The following ROR2 variants were observed in gnomAD, a reference collection of about 807,000 sequenced individuals.
ROR2 encodes tyrosine-protein kinase transmembrane receptor ROR2.
A neutral mutation model predicts 74.9 loss-of-function variants in ROR2; 33 were observed. The ratio of observed to expected loss-of-function variants is 0.44; its 90% CI spans 0.33 to 0.59. The LOEUF (loss-of-function observed/expected upper bound fraction) is 0.59. Among genes scored for constraint, ROR2 ranks in the 20% least tolerant of loss-of-function variants. The probability of loss-of-function intolerance (pLI) is 0.02; values close to 1 mark genes in which losing one functional copy is unlikely to be tolerated. For missense variants in ROR2, 1,216 were observed against 1,313.8 expected (o/e 0.93, Z 1.15); for synonymous variants, 586 against 558.7 (o/e 1.05, Z -0.69).
chr9:91,724,705 C>T lies in ROR2; in HGVS notation c.1789G>A (p.Ala597Thr). 1 of 1,614,216 alleles carries T rather than the reference C, an allele frequency of 6.2e-7. No homozygotes were observed. The highest frequency in any genetic ancestry group is 8.5e-7 in the Non-Finnish European group (1 of 1,180,044). ...TACTCCATCCCCGCCGCGATCTGTG[C>T]CACAAGGTGCACGAAGTCGGGGGGC... ...LEPPDFVHLVAQIAAGMEYLS... is the reference protein window; with the variant it reads ...LEPPDFVHLVTQIAAGMEYLS... The change falls in exon 9 of 9, where the codon GCA becomes ACA. Residue 597 changes from alanine (A) to threonine (T), a missense_variant. Physicochemically the swap from Ala to Thr is moderately conservative, Grantham distance 58 (BLOSUM62 0). Coordinates refer to ENST00000375708, the MANE Select transcript of ROR2 (RefSeq NM_004560.4).
chr9:91,926,726 A>C (rs1831413374), intron 1 of ROR2, among the ~76,000 whole-genome samples: 1 of 152,150 alleles, frequency 6.6e-6, no homozygotes, highest in Non-Finnish European at 1.5e-5. Flanking sequence ...ACGCTCAGTG[A>C]AACAGGCCAG....
chr9:91,741,307 A>G (rs112583695), intron 4 of ROR2, among the ~76,000 whole-genome samples: 39 of 29,338 alleles, frequency 1.3e-3, no homozygotes, highest in Admixed American at 6.4e-3. Flanking sequence ...TCAAGTAGTA[A>G]TAATAATAAT....
intron 1 of ROR2, among the ~76,000 whole-genome samples, chr9:91,928,923 A>G (rs1831478789): frequency 6.6e-6 from 1 of 152,224 alleles, no homozygotes; most frequent in Non-Finnish European, 1.5e-5. Flanking sequence ...CGTCATGTCA[A>G]TTATCCTGCT....
chr9:91,885,604 T>C (rs1830247109), intron 1 of ROR2, among the ~76,000 whole-genome samples: 1 of 152,106 alleles, frequency 6.6e-6, no homozygotes, highest in African/African-American at 2.4e-5. Flanking sequence ...AACATGCTGG[T>C]CCCCGCCAAA....
chr9:91,912,716 C>T (rs752598175), intron 1 of ROR2, among the ~76,000 whole-genome samples: 20 of 151,624 alleles, frequency 1.3e-4, no homozygotes, highest in Non-Finnish European at 2.4e-4. Context: ...TATAACTATT[C>T]CTTAAATAAT....
chr9:91,837,552 T>C (rs1587768422), intron 1 of ROR2, among the ~76,000 whole-genome samples: 1 of 152,364 alleles, frequency 6.6e-6, no homozygotes, highest in Non-Finnish European at 1.5e-5. Flanking sequence ...CTTTGCACTT[T>C]ATGAACACTA....
chr9:91,938,357 AG>A (rs1265840763), intron 1 of ROR2, among the ~76,000 whole-genome samples: 1 of 152,180 alleles, frequency 6.6e-6, no homozygotes, highest in Non-Finnish European at 1.5e-5. Flanking sequence ...CGGGAGGCTG[AG>A]GCAGAAGAAT....
chr9:91,819,601 C>T (rs1563981272), intron 1 of ROR2, among the ~76,000 whole-genome samples: 1 of 150,030 alleles, frequency 6.7e-6, no homozygotes, highest in Non-Finnish European at 1.5e-5. Flanking sequence ...TTCTGTGTGT[C>T]TGTGTTTGTC....
intron 2 of ROR2, among the ~76,000 whole-genome samples, chr9:91,767,361 C>T (rs1307850482): frequency 6.6e-6 from 1 of 152,210 alleles, no homozygotes; most frequent in African/African-American, 2.4e-5. Flanking sequence ...GTGTGAGCCA[C>T]CATGTCCAGC....
chr9:91,838,127 C>G (rs1828668678), intron 1 of ROR2, among the ~76,000 whole-genome samples: 4 of 152,190 alleles, frequency 2.6e-5, no homozygotes. Flanking sequence ...TGTTCCTTAA[C>G]CTGGGCATAC....
intron 1 of ROR2, among the ~76,000 whole-genome samples, chr9:91,790,344 A>G (rs1012599011): frequency 2.0e-5 from 3 of 151,826 alleles, no homozygotes; most frequent in African/African-American, 4.8e-5. Context: ...CTACTGAAAA[A>G]AAAAAAAATA....
At position 91,722,747 on chromosome 9, in the gene ROR2, G is replaced by C; in HGVS notation, c.*915C>G. On this transcript the variant is annotated 3_prime_UTR_variant, in exon 9 of 9. Coordinates refer to ENST00000375708, the MANE Select transcript of ROR2 (RefSeq NM_004560.4). ...ACCTCATGTGCACGTGGTACAGAGAGAAGCAAACCAAGACCAACTGGATCC... is the reference window on the plus strand; with the variant it reads ...ACCTCATGTGCACGTGGTACAGAGACAAGCAAACCAAGACCAACTGGATCC... 1.6e-6 allele frequency: 1 copy of C among 639,348 alleles called. No individual in the cohort carries two copies. Among genetic ancestry groups the C allele is most frequent in the Non-Finnish European group, 2.9e-6 (1 of 348,964 alleles). 39.6% of individuals were successfully genotyped at this position (639,348 alleles called of 1,614,324 possible).
intron 4 of ROR2, among the ~76,000 whole-genome samples, chr9:91,742,814 C>G (rs1159797626): frequency 6.6e-6 from 1 of 152,198 alleles, no homozygotes; most frequent in African/African-American, 2.4e-5. Flanking sequence ...ACTGACTCAC[C>G]AGCAACAGCT....
rs953714307 is a variant in ROR2 at position 91,757,427 on chromosome 9, A to G, written c.308T>C (p.Val103Ala). 1 of 1,613,812 alleles carries G rather than the reference A, an allele frequency of 6.2e-7. No individual in the cohort carries two copies. The highest frequency in any genetic ancestry group is 8.5e-7 in the Non-Finnish European group (1 of 1,179,954). The change falls in exon 3 of 9, where the codon GTG (valine) becomes GCG (alanine). Residue 103 changes from valine (V) to alanine (A), a missense_variant. Coordinates refer to ENST00000375708, the MANE Select transcript of ROR2 (RefSeq NM_004560.4). ...VRWLKNDAPV[V>A]QEPRRIIIRK... ...GATGATGATCCGCCGCGGCTCCTGCACCACCGGGGCATCATTCTTTAGCCA... is the reference window on the plus strand; with the variant it reads ...GATGATGATCCGCCGCGGCTCCTGCGCCACCGGGGCATCATTCTTTAGCCA...
At chr9:91,728,798 T>A (rs1027990903) in intron 7 of ROR2, among the ~76,000 whole-genome samples, 5 of 152,210 alleles carry the variant, frequency 3.3e-5, no homozygotes, top group African/African-American at 7.2e-5. Flanking sequence ...TTTGGCAGAA[T>A]AAAATCTCTT....
intron 1 of ROR2, among the ~76,000 whole-genome samples, chr9:91,941,741 C>T (rs563324213): frequency 1.3e-5 from 2 of 152,186 alleles, no homozygotes; most frequent in African/African-American, 4.8e-5. Context: ...CTGTATTGTA[C>T]TGTCTCCCCA....
At chr9:91,778,953 T>G (rs1691776111) in intron 1 of ROR2, among the ~76,000 whole-genome samples, 1 of 152,158 alleles carries the variant, frequency 6.6e-6, no homozygotes, top group Non-Finnish European at 1.5e-5. Context: ...GTGGCTGGTA[T>G]AATGAAATGA....
chr9:91,865,095 A>G (rs1420069386), intron 1 of ROR2, among the ~76,000 whole-genome samples: 1 of 152,302 alleles, frequency 6.6e-6, no homozygotes, highest in East Asian at 1.9e-4. Context: ...AGCTAAGGCT[A>G]AAAGTTTTTT....
rs149718724 is a variant in ROR2 at position 91,837,260 on chromosome 9, G to C, written c.98-61442C>G. Among the ~76,000 whole-genome samples the C allele has an allele frequency of 4.1e-3, 618 of 152,278 alleles. 6 individuals carry two copies. The highest frequency in any genetic ancestry group is 8.4e-3 in the African/African-American group (350 of 41,566). ...GCTAGTTTTTTGTATTTTTAGTACA[G>C]ACGGGGTTTCACCATGTTAGCCAGG... is the stretch of plus-strand genomic sequence containing the variant. On this transcript the variant is annotated intron_variant, in intron 1 of 8. Transcript: ENST00000375708.
Sources: gnomAD v4.1 joint callset for allele counts (sites outside exome capture counted in the v4.1 genomes callset) on GRCh38, gnomAD v4.1.1 for gene constraint, MANE v1.5 for transcripts, NCBI Gene and HGNC (gene_info 2026-07-23, HGNC 2026-07-21) for gene names.